Variants in DCTN4 observed in about 807,000 individuals in gnomAD.
The protein encoded by DCTN4 is dynactin 4 (p62).
A neutral mutation model predicts 62.7 loss-of-function variants in DCTN4; 23 were observed. That is an observed-to-expected ratio of 0.37 (90% CI 0.26 to 0.52). DCTN4 has a LOEUF of 0.52. Ranked by LOEUF, DCTN4 falls within the 20% of genes least tolerant of loss-of-function variation. The pLI, the probability that DCTN4 is intolerant of heterozygous loss-of-function variation, is 0.92. For synonymous variants in DCTN4, 199 were observed against 202.1 expected (o/e 0.98, Z 0.13); for missense variants, 514 against 580.4 (o/e 0.89, Z 1.18).
chr5:150,716,949 T>G (rs1419031728), intron 11 of DCTN4, among the ~76,000 whole-genome samples: 4 of 147,334 alleles, frequency 2.7e-5, no homozygotes, highest in African/African-American at 1.0e-4. Context: ...ACCAAATAAG[T>G]GAAATAAGTG....
intron 3 of DCTN4, among the ~76,000 whole-genome samples, chr5:150,747,681 C>T (rs1245360090): frequency 6.6e-6 from 1 of 151,354 alleles, no homozygotes; most frequent in East Asian, 1.9e-4. Context: ...GAAAAACAAG[C>T]AATGGGGAAA....
intron 12 of DCTN4, among the ~76,000 whole-genome samples, chr5:150,715,193 T>C (rs1158419882): frequency 6.6e-6 from 1 of 152,088 alleles, no homozygotes; most frequent in Non-Finnish European, 1.5e-5. Flanking sequence ...CGATGATCAA[T>C]CTCTAGGGAC....
At chr5:150,728,215 TATAA>T (rs956271077) in intron 8 of DCTN4, among the ~76,000 whole-genome samples, 93 of 152,362 alleles carry the variant, frequency 6.1e-4, no homozygotes, top group African/African-American at 2.1e-3. Flanking sequence ...TATTATAAAG[TATAA>T]ATGTGACTTA....
intron 8 of DCTN4, among the ~76,000 whole-genome samples, chr5:150,725,258 G>A (rs1328429129): frequency 2.0e-5 from 3 of 151,484 alleles, no homozygotes; most frequent in Non-Finnish European, 4.4e-5. Context: ...GCATATTTTG[G>A]TTTGTATTTG....
intron 3 of DCTN4, among the ~76,000 whole-genome samples, chr5:150,746,886 G>C (rs1192909050): frequency 6.6e-6 from 1 of 152,134 alleles, no homozygotes; most frequent in Non-Finnish European, 1.5e-5. Flanking sequence ...CACAAGACAG[G>C]GATGCCCTCT....
chr5:150,755,582 ACAT>A (rs1752830930), intron 2 of DCTN4: 5 of 456,200 alleles, frequency 1.1e-5, no homozygotes, highest in Non-Finnish European at 2.2e-5. Context: ...TGAGAAAAAA[ACAT>A]CATGCAAATC....
intron 4 of DCTN4, among the ~76,000 whole-genome samples, chr5:150,737,408 T>A (rs924409993): frequency 2.0e-5 from 3 of 152,140 alleles, no homozygotes; most frequent in African/African-American, 7.2e-5. Context: ...TGAAATTATA[T>A]GAAGTACTCG....
rs151195944 is a variant in DCTN4, at chr5:150,750,324, G to A, written c.385+3155C>T. ...TCTGGAAAAATTTTAGAGTCCAAAA[G>A]TACTAAGAGCTGACAAGGAACTGGA... On this transcript the variant is annotated intron_variant, in intron 3 of 12. Transcript: ENST00000447998. Among the ~76,000 whole-genome samples the A allele has an allele frequency of 9.9e-3, 1,504 of 152,258 alleles. 20 individuals carry two copies. Among genetic ancestry groups the A allele is most frequent in the African/African-American group, 0.035 (1,438 of 41,548 alleles).
rs181854636 is a variant in DCTN4, at chr5:150,716,559, A to T, written c.1072-897T>A. 2.0e-5 allele frequency among the ~76,000 whole-genome samples: 3 copies of T among 152,342 alleles called. No homozygotes were observed. In the East Asian group the frequency reaches 5.8e-4, roughly 29 times the overall value. ...GGTATAAAGAGAGCTTTATAAAGATATGCTGTGCTTATGCATCAGGTACTT... is the reference window on the plus strand; with the variant it reads ...GGTATAAAGAGAGCTTTATAAAGATTTGCTGTGCTTATGCATCAGGTACTT... On this transcript the variant is annotated intron_variant, in intron 11 of 12. Transcript: ENST00000447998.
chr5:150,730,988 A>G, intron 7 of DCTN4, 56 bp downstream of exon 7: 1 of 1,110,956 alleles, frequency 9.0e-7, no homozygotes, highest in Non-Finnish European at 1.4e-6. Context: ...TACATAAATA[A>G]CAAAAACAGA....
At chr5:150,748,696 C>A (rs1752553162) in intron 3 of DCTN4, among the ~76,000 whole-genome samples, 1 of 147,414 alleles carries the variant, frequency 6.8e-6, no homozygotes, top group African/African-American at 2.5e-5. Context: ...GACAAAAAAC[C>A]AAACACCGCA....
chr5:150,753,777 C>A, intron 2 of DCTN4, 120 bp from the exon 3 acceptor site: 1 of 1,005,654 alleles, frequency 9.9e-7, no homozygotes, highest in East Asian at 2.6e-5. Context: ...AGGCCTCTTA[C>A]CAACTTTGCT....
At chr5:150,741,271 A>C (rs1018960598) in intron 4 of DCTN4, among the ~76,000 whole-genome samples, 22 of 152,180 alleles carry the variant, frequency 1.4e-4, no homozygotes, top group African/African-American at 5.3e-4. Flanking sequence ...TACTCATTAG[A>C]GGTATCAACT....
intron 4 of DCTN4, chr5:150,734,425 C>A (rs1387069263): frequency 1.3e-5 from 2 of 152,100 alleles, no homozygotes; most frequent in East Asian, 1.9e-4. Context: ...ATTTAGAGAG[C>A]CGAGTGAAAT....
chr5:150,742,116 G>C lies in DCTN4; in HGVS notation c.427C>G (p.Arg143Gly), dbSNP rs200338052. Reference protein sequence around the residue: ...WQEPENPHTQRMNKLIEYYQQ... With the variant: ...WQEPENPHTQGMNKLIEYYQQ... ...CTCTCTTATGACCCTTTACTTACCCGTTGTGTGTGAGGATTTTCAGGTTCC... is the reference window on the plus strand; with the variant it reads ...CTCTCTTATGACCCTTTACTTACCCCTTGTGTGTGAGGATTTTCAGGTTCC... Residue 143 changes from arginine to glycine, a missense_variant and splice_region_variant, in exon 4 of 13, where the codon CGG becomes GGG. Transcript: ENST00000447998. 1.2e-6 allele frequency: 2 copies of C among 1,613,300 alleles called. No homozygotes were observed. The highest frequency in any genetic ancestry group is 1.7e-6 in the Non-Finnish European group (2 of 1,179,672).
intron 8 of DCTN4, among the ~76,000 whole-genome samples, chr5:150,725,966 A>C (rs1214886631): frequency 1.3e-5 from 2 of 152,076 alleles, no homozygotes; most frequent in African/African-American, 4.8e-5. Context: ...ACAATGGCGC[A>C]ATCTTGGCTC....
chr5:150,757,568 CAGG>C (rs919190027), intron 1 of DCTN4, among the ~76,000 whole-genome samples: 1 of 152,076 alleles, frequency 6.6e-6, no homozygotes, highest in Non-Finnish European at 1.5e-5. Flanking sequence ...CTATTCACCA[CAGG>C]AGAATATGAT....
chr5:150,720,363 C>A (rs1309993150), intron 9 of DCTN4, among the ~76,000 whole-genome samples: 1 of 151,880 alleles, frequency 6.6e-6, no homozygotes, highest in East Asian at 1.9e-4. Context: ...TTTTGTCTTC[C>A]TGAATCTCAA....
chr5:150,745,743 C>T (rs979150761), intron 3 of DCTN4, among the ~76,000 whole-genome samples: 9 of 151,920 alleles, frequency 5.9e-5, no homozygotes, highest in African/African-American at 1.2e-4. Context: ...TTGAAACCAA[C>T]GAGAACAAAG....
Sources: gnomAD v4.1 joint callset for allele counts (sites outside exome capture counted in the v4.1 genomes callset) on GRCh38, gnomAD v4.1.1 for gene constraint, MANE v1.5 for transcripts, NCBI Gene and HGNC (gene_info 2026-07-23, HGNC 2026-07-21) for gene names.